SCAI: variants seen among roughly 807,000 people sequenced by gnomAD.
The protein encoded by SCAI is protein SCAI.
In SCAI, 24 loss-of-function variants were observed where a neutral mutation model predicts 92.2. That is an observed-to-expected ratio of 0.26 (90% CI 0.19 to 0.37). The LOEUF (loss-of-function observed/expected upper bound fraction) is 0.37. SCAI is among the 10% of genes least tolerant of loss of function. The pLI is 1.00. For missense variants in SCAI, 450 were observed against 736.2 expected, an observed-to-expected ratio of 0.61 and a Z score of 4.50; for synonymous variants, 261 against 258.6, an observed-to-expected ratio of 1.01 and a Z score of -0.09.
chr9:124,958,121 CATTATT>C (rs1302993692), intron 17 of SCAI, among the ~76,000 whole-genome samples: 4 of 152,078 alleles, frequency 2.6e-5, no homozygotes, highest in Non-Finnish European at 5.9e-5. Context: ...GGATATATAC[CATTATT>C]ATTGACTGGA....
At chr9:125,078,488 A>G (rs1219124440) in intron 2 of SCAI, among the ~76,000 whole-genome samples, 1 of 152,172 alleles carries the variant, frequency 6.6e-6, no homozygotes, top group Non-Finnish European at 1.5e-5. Context: ...AGATCACGCC[A>G]CTGCACTCCA....
At chr9:124,960,337 C>T (rs1831413524) in intron 17 of SCAI, among the ~76,000 whole-genome samples, 1 of 152,136 alleles carries the variant, frequency 6.6e-6, no homozygotes, top group South Asian at 2.1e-4. Flanking sequence ...TCAAGCGACG[C>T]CCCAGCTTTG....
intron 2 of SCAI, among the ~76,000 whole-genome samples, chr9:125,096,108 T>C (rs1042665073): frequency 6.6e-6 from 1 of 152,154 alleles, no homozygotes; most frequent in Non-Finnish European, 1.5e-5. Flanking sequence ...TTCACACTGT[T>C]GATAAAGACA....
intron 2 of SCAI, among the ~76,000 whole-genome samples, chr9:125,137,120 G>C (rs557098450): frequency 8.3e-4 from 127 of 152,098 alleles, no homozygotes; most frequent in African/African-American, 2.8e-3. Context: ...ATTCATCTTT[G>C]GGGTCTTAAC....
intron 17 of SCAI, among the ~76,000 whole-genome samples, chr9:124,953,170 A>AG (rs1437062687): frequency 5.3e-5 from 8 of 152,316 alleles, no homozygotes; most frequent in Admixed American, 1.3e-4. Flanking sequence ...TCATTTAGTG[A>AG]GTTATTCCAC....
chr9:124,957,697 A>T (rs879791810), intron 17 of SCAI, among the ~76,000 whole-genome samples: 115 of 118,786 alleles, frequency 9.7e-4, no homozygotes, highest in African/African-American at 1.8e-3. Context: ...TTTTTTTTTT[A>T]AAAAGACGGA....
At chr9:125,051,837 G>C (rs2131129960) in intron 3 of SCAI, among the ~76,000 whole-genome samples, 1 of 152,318 alleles carries the variant, frequency 6.6e-6, no homozygotes, top group South Asian at 2.1e-4. Flanking sequence ...GGGAGGCCAA[G>C]GCAGGCGGAT....
At position 125,026,802 on chromosome 9, in the gene SCAI, A is replaced by C; in HGVS notation, c.512+10T>G. The C allele has an allele frequency of 3.0e-5, 39 of 1,280,874 alleles. No individual in the cohort carries two copies. Among genetic ancestry groups the C allele is most frequent in the Non-Finnish European group, 3.7e-5 (33 of 893,634 alleles). The allele number at this position is 1,280,874 out of a possible 1,614,324, so 79.3% of individuals were successfully genotyped here. A position where few individuals can be genotyped will look rare whatever the true frequency, so the allele number is the denominator to read the frequency against. ...ATCCTCATCTTTCTAAAAACATAGC[A>C]GATACATACCTGTCCTCTTTATTGA... On this transcript the variant is annotated intron_variant, in intron 6 of 17. Transcript: ENST00000336505.
In SCAI at chr9:124,944,578, C is replaced by G. The variant is rs1831113042; in HGVS notation, c.*8229G>C. 1 of 146,136 alleles carries G rather than the reference C, an allele frequency of 6.8e-6. No individual in the cohort carries two copies. Among genetic ancestry groups the G allele is most frequent in the Non-Finnish European group, 1.5e-5 (1 of 67,194 alleles). 9.1% of individuals were successfully genotyped at this position (146,136 alleles called of 1,614,324 possible). A position where few individuals can be genotyped will look rare whatever the true frequency, so the allele number is the denominator to read the frequency against. On this transcript the variant is annotated 3_prime_UTR_variant, in exon 18 of 18. Coordinates refer to ENST00000336505, the MANE Select transcript of SCAI (RefSeq NM_001144877.3). ...TAAAAATTCTTATTGTGCTAAAACA[C>G]TAAGCAATTTTTCCTGCAGATTTTT...
At chr9:125,037,272 T>TA (rs35842767) in intron 3 of SCAI, among the ~76,000 whole-genome samples, 63 of 142,460 alleles carry the variant, frequency 4.4e-4, no homozygotes, top group Admixed American at 7.7e-4. Flanking sequence ...CTTTGTCGAT[T>TA]AAAAAAAAAA....
intron 2 of SCAI, among the ~76,000 whole-genome samples, chr9:125,060,585 G>C (rs1291201237): frequency 6.6e-6 from 1 of 152,132 alleles, no homozygotes; most frequent in Non-Finnish European, 1.5e-5. Context: ...GGGAACCACG[G>C]GGAGGTAATT....
At chr9:124,981,602 C>G (rs540940991) in intron 14 of SCAI, among the ~76,000 whole-genome samples, 17 of 151,856 alleles carry the variant, frequency 1.1e-4, no homozygotes, top group Non-Finnish European at 2.2e-4. Flanking sequence ...ATGACTGTTA[C>G]GAAAGCATGT....
At chr9:125,083,269 G>C (rs940039144) in intron 2 of SCAI, among the ~76,000 whole-genome samples, 1 of 152,106 alleles carries the variant, frequency 6.6e-6, no homozygotes. Flanking sequence ...TGTAATCCCA[G>C]CACTTTAGGA....
At chr9:125,134,263 C>T (rs1835467134) in intron 2 of SCAI, among the ~76,000 whole-genome samples, 1 of 152,038 alleles carries the variant, frequency 6.6e-6, no homozygotes, top group Non-Finnish European at 1.5e-5. Context: ...TCCTATAAAC[C>T]CTTTGTATGT....
chr9:124,981,633 C>T (rs966542262), intron 14 of SCAI, among the ~76,000 whole-genome samples: 23 of 151,978 alleles, frequency 1.5e-4, no homozygotes, highest in African/African-American at 4.3e-4. Context: ...TTTATCCTAT[C>T]GACATAGTTT....
At chr9:124,964,578 T>A (rs1024858480) in intron 17 of SCAI, among the ~76,000 whole-genome samples, 1 of 152,220 alleles carries the variant, frequency 6.6e-6, no homozygotes, top group Non-Finnish European at 1.5e-5. Flanking sequence ...ATACATACTC[T>A]GTGTAATGAA....
At chr9:125,110,186 A>G (rs952879224) in intron 2 of SCAI, among the ~76,000 whole-genome samples, 1 of 152,234 alleles carries the variant, frequency 6.6e-6, no homozygotes, top group African/African-American at 2.4e-5. Flanking sequence ...TTTATTCATT[A>G]TAAGATGTAT....
intron 2 of SCAI, among the ~76,000 whole-genome samples, chr9:125,069,085 G>C (rs573187387): frequency 2.0e-5 from 3 of 151,852 alleles, no homozygotes; most frequent in Admixed American, 2.0e-4. Context: ...AGGCCTGGTG[G>C]CATGCACCTG....
rs1163039100 is a variant in SCAI, at chr9:124,949,533, C to G, written c.*3274G>C. On this transcript the variant is annotated 3_prime_UTR_variant, in exon 18 of 18. Transcript: ENST00000336505. The surrounding 1 kb of genome is among the most constrained non-coding windows in gnomAD (Gnocchi z 4.0). Reference sequence around the variant, plus strand: ...AGGCTGGAGTGCAGTGGTGCAATCACAGCTCACTGCAGCCACAAACTCCTG... The same window carrying G: ...AGGCTGGAGTGCAGTGGTGCAATCAGAGCTCACTGCAGCCACAAACTCCTG... The G allele has an allele frequency of 6.6e-6, 1 of 152,208 alleles. No individual in the cohort carries two copies. The highest frequency in any genetic ancestry group is 1.5e-5 in the Non-Finnish European group (1 of 68,108). 9.4% of individuals were successfully genotyped at this position (152,208 alleles called of 1,614,324 possible). A position where few individuals can be genotyped will look rare whatever the true frequency, so the allele number is the denominator to read the frequency against.
Sources: gnomAD v4.1 joint callset for allele counts (sites outside exome capture counted in the v4.1 genomes callset) on GRCh38, gnomAD v4.1.1 for gene constraint, Gnocchi (gnomAD v3.1) non-coding constraint, MANE v1.5 for transcripts, NCBI Gene and HGNC (gene_info 2026-07-23, HGNC 2026-07-21) for gene names.